Variants in C4orf33 observed in about 807,000 individuals in gnomAD.
The protein encoded by C4orf33 is UPF0462 protein C4orf33.
Under a neutral mutation model 24.3 loss-of-function variants are expected in C4orf33, and 20 were observed. The observed-to-expected ratio is 0.82, with a 90% CI of 0.58 to 1.19. C4orf33 has a LOEUF of 1.19. C4orf33 is among the 50% of genes most tolerant of loss of function. The pLI, the probability that C4orf33 is intolerant of heterozygous loss-of-function variation, is 0.00. For missense variants in C4orf33, 207 were observed against 225.9 expected (o/e 0.92, Z 0.54); for synonymous variants, 67 against 76.4 (o/e 0.88, Z 0.64).
At position 129,115,500 on chromosome 4, in the gene C4orf33, TC is replaced by T. The variant is rs1753759359; in HGVS notation, c.*3713del. 1 of 152,096 alleles carries T rather than the reference TC, an allele frequency of 6.6e-6. No homozygotes were observed. The allele number at this position is 152,096 out of a possible 1,614,324, so 9.4% of individuals were successfully genotyped here. A position where few individuals can be genotyped will look rare whatever the true frequency, so the allele number is the denominator to read the frequency against. ...GGGACAGGATTCAGTGGATAAATAC[TC>T]CCCTTTTCCGTCCCTTGGGCAGACA... is the stretch of plus-strand genomic sequence containing the variant. On this transcript the variant is annotated 3_prime_UTR_variant, in exon 6 of 6. Coordinates refer to ENST00000425929, the MANE Select transcript of C4orf33 (RefSeq NM_001099783.2).
intron 1 of C4orf33, among the ~76,000 whole-genome samples, chr4:129,098,812 C>T (rs867241880): frequency 6.6e-6 from 1 of 152,164 alleles, no homozygotes; most frequent in Admixed American, 6.5e-5. Context: ...CTGAGAGTTC[C>T]TCCCTTTTTT....
chr4:129,109,032 A>G lies in C4orf33; in HGVS notation c.243-275A>G, dbSNP rs1298184834. Among the ~76,000 whole-genome samples, 7 of 152,112 alleles carry G rather than the reference A, an allele frequency of 4.6e-5. No individual in the cohort carries two copies. The East Asian group carries it at 1.2e-3, about 25-fold the overall frequency. Reference sequence around the variant, plus strand: ...CTCCCAAGTTGCTGGGACTACAGGCACACGCCACCATGCCTGGCTAATTTT... The same window carrying G: ...CTCCCAAGTTGCTGGGACTACAGGCGCACGCCACCATGCCTGGCTAATTTT... On this transcript the variant is annotated intron_variant, in intron 3 of 5. Transcript: ENST00000425929.
chr4:129,104,413 C>T (rs1753453694), intron 2 of C4orf33, among the ~76,000 whole-genome samples: 1 of 152,172 alleles, frequency 6.6e-6, no homozygotes, highest in South Asian at 2.1e-4. Flanking sequence ...ACTCATCCTT[C>T]AGCTACCTAA....
chr4:129,102,923 C>CT (rs1456291608), intron 2 of C4orf33, 132 bp downstream of exon 2: 1 of 664,322 alleles, frequency 1.5e-6, no homozygotes, highest in Non-Finnish European at 2.4e-6. Context: ...TCTGATATTT[C>CT]CTACCAATCT....
At chr4:129,096,249 C>T (rs1011990125) in intron 1 of C4orf33, 40 bp downstream of exon 1, 1 of 152,194 alleles carries the variant, frequency 6.6e-6, no homozygotes, top group African/African-American at 2.4e-5. Context: ...CTCTGACATT[C>T]CTTTCGTCGT....
chr4:129,103,827 ATGTCCCATTTCT>A (rs1753436802), intron 2 of C4orf33, among the ~76,000 whole-genome samples: 1 of 152,176 alleles, frequency 6.6e-6, no homozygotes, highest in African/African-American at 2.4e-5. Flanking sequence ...GATCTAATTC[ATGTCCCATTTCT>A]TCAAAGAAGA....
chr4:129,109,236 T>C (rs1349115976), intron 3 of C4orf33, 71 bp from the exon 4 acceptor site: 4 of 1,361,664 alleles, frequency 2.9e-6, no homozygotes, highest in South Asian at 2.3e-5. Flanking sequence ...ACACATTCCA[T>C]GTATAAAGGA....
chr4:129,103,715 A>C (rs1420992448), intron 2 of C4orf33, among the ~76,000 whole-genome samples: 2 of 152,192 alleles, frequency 1.3e-5, no homozygotes, highest in Admixed American at 1.3e-4. Context: ...CCTTCCTTTA[A>C]GCTTTCAGCA....
chr4:129,103,120 T>A (rs975456784), intron 2 of C4orf33: 1 of 165,492 alleles, frequency 6.0e-6, no homozygotes, highest in East Asian at 1.8e-4. Context: ...CCTGGGTTCA[T>A]GCCATTATCC....
At chr4:129,107,689 T>A (rs1420865278) in intron 3 of C4orf33, among the ~76,000 whole-genome samples, 1 of 152,088 alleles carries the variant, frequency 6.6e-6, no homozygotes, top group African/African-American at 2.4e-5. Flanking sequence ...TTAATTCTCA[T>A]AAACTGCCAT....
chr4:129,107,215 C>T (rs1033966449), intron 3 of C4orf33, among the ~76,000 whole-genome samples: 1 of 151,922 alleles, frequency 6.6e-6, no homozygotes, highest in South Asian at 2.1e-4. Context: ...AACTAAACCA[C>T]ATATAGATTT....
chr4:129,096,523 T>C (rs1338723440), intron 1 of C4orf33, among the ~76,000 whole-genome samples: 4 of 152,204 alleles, frequency 2.6e-5, no homozygotes, highest in African/African-American at 9.7e-5. Context: ...ACCTTTACCA[T>C]AACTTATTTC....
At chr4:129,093,904 T>C (rs1753080198), upstream of C4orf33, 1 of 152,246 alleles carries the variant, frequency 6.6e-6, no homozygotes, top group Non-Finnish European at 1.5e-5. Flanking sequence ...TAAGCCTTTC[T>C]GGACTAAGTA....
At chr4:129,099,456 A>C (rs555294539) in intron 1 of C4orf33, among the ~76,000 whole-genome samples, 10 of 152,244 alleles carry the variant, frequency 6.6e-5, no homozygotes, top group Non-Finnish European at 1.3e-4. Context: ...GATACCACGA[A>C]CACAGTAGAT....
chr4:129,096,920 TA>T (rs1406210886), intron 1 of C4orf33, among the ~76,000 whole-genome samples: 2 of 152,126 alleles, frequency 1.3e-5, no homozygotes, highest in Non-Finnish European at 2.9e-5. Context: ...AAAATATATA[TA>T]TTTTTTTGAG....
upstream of C4orf33, among the ~76,000 whole-genome samples, chr4:129,094,488 G>A (rs999142888): frequency 5.3e-5 from 8 of 152,152 alleles, no homozygotes; most frequent in African/African-American, 1.7e-4. Flanking sequence ...CGGCTTAAGA[G>A]TTTTGTTGTC....
At chr4:129,098,844 A>G (rs956858184) in intron 1 of C4orf33, among the ~76,000 whole-genome samples, 4 of 151,980 alleles carry the variant, frequency 2.6e-5, no homozygotes, top group African/African-American at 9.7e-5. Flanking sequence ...GGTAACTTCT[A>G]GGAGTTGCCA....
chr4:129,109,167 C>T (rs1320930895), intron 3 of C4orf33, 140 bp from the exon 4 acceptor site: 16 of 910,018 alleles, frequency 1.8e-5, no homozygotes, highest in African/African-American at 4.9e-5. Context: ...GGGTTACAGG[C>T]GTAAGCCACC....
At chr4:129,110,077 A>G (rs1251715579) in intron 5 of C4orf33, 1 of 852,314 alleles carries the variant, frequency 1.2e-6, no homozygotes, top group African/African-American at 1.8e-5. Context: ...TTATCTCTCT[A>G]GTTCTCCTCT....
Sources: allele counts gnomAD v4.1 joint callset (sites outside exome capture counted in the v4.1 genomes callset), GRCh38; gene constraint gnomAD v4.1.1; transcripts MANE v1.5; gene names NCBI Gene and HGNC (gene_info 2026-07-23, HGNC 2026-07-21).